The following UGT1A10 variants were observed in gnomAD, a reference collection of about 807,000 sequenced individuals.
UGT1A10 encodes UDP glucuronosyltransferase family 1 member A10.
In UGT1A10, 49 loss-of-function variants were observed where a neutral mutation model predicts 45.8. The ratio of observed to expected loss-of-function variants is 1.07; its 90% CI spans 0.85 to 1.36. The LOEUF (loss-of-function observed/expected upper bound fraction) is 1.36, where lower values mean the gene tolerates loss of function less well. Ranked by LOEUF, UGT1A10 falls within the 40% of genes most tolerant of loss-of-function variation. The pLI is 0.00. For missense variants in UGT1A10, 745 were observed against 668.6 expected, an observed-to-expected ratio of 1.11 and a Z score of -1.26; for synonymous variants, 284 against 249.7, an observed-to-expected ratio of 1.14 and a Z score of -1.29.
In UGT1A10 at chr2:233,769,705, G is replaced by T. The variant is rs1699921958; in HGVS notation, c.1295+1266G>T. Reference sequence around the variant, plus strand: ...TGGTGGCACTGGATAAAAGATCAATGTTGGCTAGGCACCATGGCACACGCC... The same window carrying T: ...TGGTGGCACTGGATAAAAGATCAATTTTGGCTAGGCACCATGGCACACGCC... On this transcript the variant is annotated intron_variant, in intron 4 of 4. Transcript: ENST00000344644. This position sits in a 1 kb window ranked among gnomAD's most constrained non-coding sequence, Gnocchi z 4.4. The T allele has an allele frequency of 6.6e-7, 1 of 1,517,524 alleles. No homozygotes were observed. Among genetic ancestry groups the T allele is most frequent in the African/African-American group, 1.4e-5 (1 of 73,038 alleles). The allele number at this position is 1,517,524 out of a possible 1,614,324, so 94.0% of individuals were successfully genotyped here. A position where few individuals can be genotyped will look rare whatever the true frequency, so the allele number is the denominator to read the frequency against.
chr2:233,737,540 C>T (rs191771735), intron 1 of UGT1A10, among the ~76,000 whole-genome samples: 164 of 152,332 alleles, frequency 1.1e-3, no homozygotes, highest in East Asian at 4.4e-3. Flanking sequence ...TGCCCTGCTT[C>T]GGCTTGCCCT....
chr2:233,755,295 G>A (rs566293280), intron 1 of UGT1A10: 4 of 631,344 alleles, frequency 6.3e-6, no homozygotes, highest in African/African-American at 3.8e-5. Context: ...AGCCTGCGGG[G>A]CACTGGCACA....
chr2:233,677,455 C>T (rs1478706967), intron 1 of UGT1A10, among the ~76,000 whole-genome samples: 1 of 152,068 alleles, frequency 6.6e-6, no homozygotes, highest in Non-Finnish European at 1.5e-5. Context: ...AAAGCCTTGC[C>T]AATACCATAA....
At chr2:233,713,167 T>C (rs768308601) in intron 1 of UGT1A10, 46 of 1,614,104 alleles carry the variant, frequency 2.8e-5, no homozygotes, top group Non-Finnish European at 1.8e-5. Flanking sequence ...CACCAGGTGG[T>C]GGTCCTCACC....
At chr2:233,711,208 C>T (rs748889807) in intron 1 of UGT1A10, among the ~76,000 whole-genome samples, 9 of 152,240 alleles carry the variant, frequency 5.9e-5, no homozygotes, top group Admixed American at 1.3e-4. Context: ...CCTGCTCTCC[C>T]CAGTGCTCCC....
intron 1 of UGT1A10, among the ~76,000 whole-genome samples, chr2:233,710,285 G>C (rs2076123974): frequency 6.6e-6 from 1 of 152,194 alleles, no homozygotes; most frequent in Non-Finnish European, 1.5e-5. Context: ...ATACTTAAAA[G>C]TGGGATTGTT....
intron 1 of UGT1A10, chr2:233,647,793 TAG>T (rs1328418370): frequency 5.9e-6 from 4 of 683,506 alleles, no homozygotes; most frequent in Non-Finnish European, 9.2e-6. Flanking sequence ...TCAGTCTGGG[TAG>T]AGATTTATCA....
chr2:233,661,150 T>C lies in UGT1A10; in HGVS notation c.855+23773T>C, dbSNP rs2073955516. On this transcript the variant is annotated intron_variant, in intron 1 of 4. Coordinates refer to ENST00000344644, the MANE Select transcript of UGT1A10 (RefSeq NM_019075.4). ...TTTGACAAATTATCTATGGATGTAA[T>C]GACTCTAGTTTCAGACTTTTTTTTT... Among the ~76,000 whole-genome samples the C allele has an allele frequency of 2.0e-5, 3 of 148,450 alleles. No individual in the cohort carries two copies. The Admixed American group carries it at 2.0e-4, about 10-fold the overall frequency.
chr2:233,718,990 A>T (rs772339197), intron 1 of UGT1A10: 1 of 1,614,266 alleles, frequency 6.2e-7, no homozygotes, highest in Non-Finnish European at 8.5e-7. Flanking sequence ...AGAGGCCACC[A>T]GGCGGTGGTC....
chr2:233,743,502 T>C (rs1233244952), intron 1 of UGT1A10: 12 of 1,366,994 alleles, frequency 8.8e-6, no homozygotes, highest in African/African-American at 1.5e-5. Context: ...AGAAAAGGGG[T>C]GCAGACGCTC....
chr2:233,724,349 A>G (rs1243720800), intron 1 of UGT1A10, among the ~76,000 whole-genome samples: 1 of 126,480 alleles, frequency 7.9e-6, no homozygotes, highest in Admixed American at 7.8e-5. Flanking sequence ...GACCCCCCCC[A>G]CCTCCCTCCC....
At chr2:233,752,448 A>G (rs1409153426) in intron 1 of UGT1A10, 1 of 152,234 alleles carries the variant, frequency 6.6e-6, no homozygotes, top group Admixed American at 6.5e-5. Flanking sequence ...ATAAAAGATG[A>G]ATACCCACAT....
intron 1 of UGT1A10, among the ~76,000 whole-genome samples, chr2:233,638,304 C>G (rs1422303134): frequency 6.6e-6 from 1 of 152,122 alleles, no homozygotes; most frequent in Non-Finnish European, 1.5e-5. Context: ...TTGTACAGGG[C>G]AATGTTTCCA....
intron 1 of UGT1A10, chr2:233,743,569 T>C (rs974809984): frequency 7.3e-7 from 1 of 1,367,258 alleles, no homozygotes; most frequent in Non-Finnish European, 9.8e-7. Context: ...CCAGCGGGTT[T>C]CCCAAGAGGT....
At chr2:233,641,022 C>T (rs533483735) in intron 1 of UGT1A10, among the ~76,000 whole-genome samples, 1 of 152,282 alleles carries the variant, frequency 6.6e-6, no homozygotes, top group East Asian at 1.9e-4. Flanking sequence ...TCACCAGACC[C>T]TCAGCTGATA....
chr2:233,755,023 AG>A (rs1475271740), intron 1 of UGT1A10: 1 of 1,305,718 alleles, frequency 7.7e-7, no homozygotes, highest in African/African-American at 1.5e-5. Context: ...GGGTCCTTGA[AG>A]GGCCTGCCGC....
chr2:233,658,001 G>A (rs1439256459), intron 1 of UGT1A10, among the ~76,000 whole-genome samples: 1 of 147,382 alleles, frequency 6.8e-6, no homozygotes, highest in Non-Finnish European at 1.5e-5. Context: ...TTCATATCCT[G>A]TGCCTAGTTT....
chr2:233,691,717 G>A, intron 1 of UGT1A10: 1 of 899,256 alleles, frequency 1.1e-6, no homozygotes. Flanking sequence ...CCTGGCAGAT[G>A]GGTGGCTGGG....
At position 233,772,516 on chromosome 2, in the gene UGT1A10, A is replaced by G. The variant is rs1559420819; in HGVS notation, c.1550A>G (p.Lys517Arg). 3 of 1,614,208 alleles carry G rather than the reference A, an allele frequency of 1.9e-6. No homozygotes were observed. Among genetic ancestry groups the G allele is most frequent in the East Asian group, 2.2e-5 (1 of 44,880 alleles). ...TATGGCTACCGGAAATGCTTGGGGAAAAAAGGGCGAGTTAAGAAAGCCCAC... is the reference window on the plus strand; with the variant it reads ...TATGGCTACCGGAAATGCTTGGGGAGAAAAGGGCGAGTTAAGAAAGCCCAC... ...CAYGYRKCLGKKGRVKKAHKS... is the reference protein window; with the variant it reads ...CAYGYRKCLGRKGRVKKAHKS... The change falls in exon 5 of 5, where the codon AAA becomes AGA. Residue 517 changes from lysine (K) to arginine (R), a missense_variant. Transcript: ENST00000344644.
Sources: gnomAD v4.1 joint callset for allele counts (sites outside exome capture counted in the v4.1 genomes callset) on GRCh38, gnomAD v4.1.1 for gene constraint, Gnocchi (gnomAD v3.1) non-coding constraint, MANE v1.5 for transcripts, NCBI Gene and HGNC (gene_info 2026-07-23, HGNC 2026-07-21) for gene names.